FGF1: variants seen among roughly 807,000 people sequenced by gnomAD.
FGF1 encodes fibroblast growth factor 1, also known as beta-endothelial cell growth factor.
Under a neutral mutation model 13.4 loss-of-function variants are expected in FGF1, and 9 were observed. That is an observed-to-expected ratio of 0.67 (90% CI 0.40 to 1.17). FGF1 has a LOEUF of 1.17. FGF1 is among the 50% of genes most tolerant of loss of function. The probability of loss-of-function intolerance (pLI) is 0.01; values close to 1 mark genes in which losing one functional copy is unlikely to be tolerated. For synonymous variants in FGF1, 93 were observed against 79.0 expected, an observed-to-expected ratio of 1.18 and a Z score of -0.94; for missense variants, 156 against 192.7, an observed-to-expected ratio of 0.81 and a Z score of 1.13.
intron 1 of FGF1, among the ~76,000 whole-genome samples, chr5:142,683,650 C>A (rs924429748): frequency 2.6e-5 from 4 of 151,644 alleles, no homozygotes; most frequent in African/African-American, 9.7e-5. Context: ...GGAGAAACCC[C>A]GTCTCTAATA....
chr5:142,618,307 C>CT (rs1561568851), intron 1 of FGF1, among the ~76,000 whole-genome samples: 1 of 152,166 alleles, frequency 6.6e-6, no homozygotes, highest in African/African-American at 2.4e-5. Flanking sequence ...AACCTGAACT[C>CT]TGACACATGA....
intron 1 of FGF1, among the ~76,000 whole-genome samples, chr5:142,626,223 C>G (rs761507296): frequency 7.9e-5 from 12 of 152,108 alleles, no homozygotes; most frequent in Non-Finnish European, 1.5e-4. Context: ...CAATCACCTA[C>G]CCTAGCCTGT....
intron 1 of FGF1, among the ~76,000 whole-genome samples, chr5:142,623,239 G>T (rs1020090104): frequency 6.6e-6 from 1 of 152,170 alleles, no homozygotes; most frequent in African/African-American, 2.4e-5. Context: ...AAATGGGGCT[G>T]CATAACAGTA....
intron 1 of FGF1, among the ~76,000 whole-genome samples, chr5:142,683,677 C>T (rs750381124): frequency 1.3e-5 from 2 of 151,718 alleles, no homozygotes; most frequent in South Asian, 2.1e-4. Flanking sequence ...CAAAATTAGC[C>T]GGGCATGGTG....
intron 2 of FGF1, among the ~76,000 whole-genome samples, chr5:142,607,958 C>G (rs1179559630): frequency 6.6e-6 from 1 of 152,194 alleles, no homozygotes; most frequent in Non-Finnish European, 1.5e-5. Context: ...CTCTGCTCCC[C>G]AAAGCCTTCC....
At chr5:142,660,456 C>G (rs1769007589) in intron 1 of FGF1, among the ~76,000 whole-genome samples, 1 of 152,262 alleles carries the variant, frequency 6.6e-6, no homozygotes, top group Admixed American at 6.5e-5. Context: ...CTCTTGTTGG[C>G]TGTGGGTTTC....
intron 2 of FGF1, among the ~76,000 whole-genome samples, chr5:142,695,651 C>T (rs1292017129): frequency 6.6e-6 from 1 of 151,110 alleles, no homozygotes; most frequent in Non-Finnish European, 1.5e-5. Flanking sequence ...ATCCATTCTC[C>T]CTAATCTATT....
chr5:142,639,465 A>G (rs1296528000), intron 1 of FGF1, among the ~76,000 whole-genome samples: 5 of 152,014 alleles, frequency 3.3e-5, no homozygotes, highest in Admixed American at 1.3e-4. Context: ...AATAAACCAG[A>G]CACAGAAAGA....
At chr5:142,679,934 G>A (rs1773401591) in intron 1 of FGF1, 2 of 152,244 alleles carry the variant, frequency 1.3e-5, no homozygotes, top group South Asian at 4.1e-4. Flanking sequence ...AGTGTTGAAG[G>A]CTGGAAGTCC....
At chr5:142,599,365 GA>G (rs1325381059) in intron 3 of FGF1, among the ~76,000 whole-genome samples, 5 of 152,212 alleles carry the variant, frequency 3.3e-5, no homozygotes, top group Admixed American at 3.3e-4. Context: ...GCAGTGAGAG[GA>G]AACGAAGCTG....
intron 1 of FGF1, among the ~76,000 whole-genome samples, chr5:142,677,068 C>A (rs931411960): frequency 6.6e-6 from 1 of 152,174 alleles, no homozygotes; most frequent in Non-Finnish European, 1.5e-5. Context: ...CTCTGGGCTG[C>A]GAACTTGCTC....
At chr5:142,656,515 C>T (rs147264761) in intron 1 of FGF1, among the ~76,000 whole-genome samples, 16 of 152,258 alleles carry the variant, frequency 1.1e-4, no homozygotes, top group African/African-American at 3.6e-4. Flanking sequence ...GTGTAGACCC[C>T]GTGACTGACA....
Position 142,646,421 on chromosome 5 carries a change from C to T in FGF1, c.-34-32260G>A, listed in dbSNP as rs145219809. 3.7e-3 allele frequency among the ~76,000 whole-genome samples: 555 copies of T among 151,244 alleles called. 1 individual carries two copies. Among genetic ancestry groups the T allele is most frequent in the Middle Eastern group, 0.024 (7 of 294 alleles). On this transcript the variant is annotated intron_variant, in intron 1 of 3. Transcript: ENST00000337706. ...ACTGGAGTGCAGTGGCGCGCAATCT[C>T]GGCTCACTGCAAATTCCACCTCCTA...
In FGF1 at chr5:142,599,491, ACTGT is replaced by A. The variant is rs541321944; in HGVS notation, c.273+1207_273+1210del. The stretch of plus-strand genomic sequence containing the variant: ...CTCCAGACTAAAATTCCCCCTACTG[ACTGT>A]CTTTTTGAAGACATCTTCATAAAAG... On this transcript the variant is annotated intron_variant, in intron 3 of 3. Transcript: ENST00000337706. Among the ~76,000 whole-genome samples, 23 of 152,224 alleles carry A rather than the reference ACTGT, an allele frequency of 1.5e-4. No individual in the cohort carries two copies. The South Asian group carries it at 4.8e-3, about 32-fold the overall frequency.
intron 1 of FGF1, among the ~76,000 whole-genome samples, chr5:142,664,419 G>T (rs1233201586): frequency 6.6e-6 from 1 of 152,216 alleles, no homozygotes; most frequent in Non-Finnish European, 1.5e-5. Flanking sequence ...AAATGTAGTG[G>T]TGATACAAAA....
intron 1 of FGF1, among the ~76,000 whole-genome samples, chr5:142,616,049 C>T (rs746194463): frequency 6.6e-6 from 1 of 152,210 alleles, no homozygotes; most frequent in Non-Finnish European, 1.5e-5. Flanking sequence ...CCAGCAGCTT[C>T]GTGAGCATCA....
chr5:142,668,023 G>A (rs1026532025), intron 1 of FGF1, among the ~76,000 whole-genome samples: 2 of 152,228 alleles, frequency 1.3e-5, no homozygotes, highest in African/African-American at 2.4e-5. Context: ...CTGGAGCTGA[G>A]CAGGCAGGCC....
In FGF1 at chr5:142,675,634, G is replaced by A. The variant is rs190696193; in HGVS notation, c.-35+10323C>T. Among the ~76,000 whole-genome samples, 348 of 152,302 alleles carry A rather than the reference G, an allele frequency of 2.3e-3. 3 individuals carry two copies. Among genetic ancestry groups the A allele is most frequent in the African/African-American group, 7.4e-3 (307 of 41,546 alleles). ...TTGAATTTAACCTCCACCACCGTCC[G>A]TCCGCTGAGACAGGAGCTCTTACAG... On this transcript the variant is annotated intron_variant, in intron 1 of 3. Transcript: ENST00000337706.
At chr5:142,654,061 T>A (rs923489506) in intron 1 of FGF1, among the ~76,000 whole-genome samples, 1 of 152,180 alleles carries the variant, frequency 6.6e-6, no homozygotes, top group Non-Finnish European at 1.5e-5. Flanking sequence ...CACTGCACTC[T>A]AGCCTGGCAA....
Sources: gnomAD v4.1 joint callset for allele counts (sites outside exome capture counted in the v4.1 genomes callset) on GRCh38, gnomAD v4.1.1 for gene constraint, MANE v1.5 for transcripts, NCBI Gene and HGNC (gene_info 2026-07-23, HGNC 2026-07-21) for gene names.